The following UST variants were observed in gnomAD, a reference collection of about 807,000 sequenced individuals.
The protein encoded by UST is chondroitin sulfate 2-O-sulfotransferase.
UST carries 21 observed loss-of-function variants against 45.6 expected under a neutral mutation model. That is an observed-to-expected ratio of 0.46 (90% CI 0.33 to 0.66). The LOEUF (loss-of-function observed/expected upper bound fraction) is 0.66. UST is among the 30% of genes least tolerant of loss of function. The probability of loss-of-function intolerance (pLI) is 0.02; values close to 1 mark genes in which losing one functional copy is unlikely to be tolerated. For synonymous variants in UST, 215 were observed against 200.6 expected (o/e 1.07, Z -0.61); for missense variants, 463 against 512.4 (o/e 0.90, Z 0.93).
chr6:148,780,079 GTATA>G (rs55958506), intron 1 of UST, among the ~76,000 whole-genome samples: 65 of 144,606 alleles, frequency 4.5e-4, no homozygotes, highest in Admixed American at 3.8e-3. Flanking sequence ...ACATGTGTGT[GTATA>G]TATATACACA....
intron 1 of UST, among the ~76,000 whole-genome samples, chr6:148,795,220 G>A (rs1351132819): frequency 6.6e-6 from 1 of 152,212 alleles, no homozygotes; most frequent in Non-Finnish European, 1.5e-5. Context: ...TGGGATGGAG[G>A]TGTGCACTGA....
chr6:148,757,291 A>G (rs561770412), intron 1 of UST, among the ~76,000 whole-genome samples: 1 of 152,370 alleles, frequency 6.6e-6, no homozygotes, highest in Admixed American at 6.5e-5. Context: ...TTGTGTGCAT[A>G]CAGTTAGAAT....
intron 1 of UST, among the ~76,000 whole-genome samples, chr6:148,776,406 G>A (rs1383082714): frequency 1.3e-5 from 2 of 152,206 alleles, no homozygotes; most frequent in Admixed American, 6.5e-5. Flanking sequence ...GGTCAATGAC[G>A]CAACTGAGCC....
At chr6:149,069,302 T>G (rs533956917) in intron 7 of UST, among the ~76,000 whole-genome samples, 8 of 152,352 alleles carry the variant, frequency 5.3e-5, no homozygotes, top group African/African-American at 1.9e-4. Context: ...TTTTTAGTTT[T>G]TTGAGAACTC....
chr6:148,952,179 A>G (rs1162631636), intron 3 of UST, among the ~76,000 whole-genome samples: 1 of 152,262 alleles, frequency 6.6e-6, no homozygotes, highest in African/African-American at 2.4e-5. Flanking sequence ...ACCCTCAGAG[A>G]TAAATTACCT....
intron 2 of UST, among the ~76,000 whole-genome samples, chr6:148,913,832 G>C (rs1562297944): frequency 2.6e-5 from 4 of 152,136 alleles, no homozygotes; most frequent in Non-Finnish European, 5.9e-5. Flanking sequence ...TTATGGAACA[G>C]TTTAAATGTA....
At chr6:148,974,144 A>T (rs1462766809) in intron 5 of UST, among the ~76,000 whole-genome samples, 1 of 152,200 alleles carries the variant, frequency 6.6e-6, no homozygotes, top group Non-Finnish European at 1.5e-5. Context: ...TTCCCAAAGC[A>T]TGGGGCATGA....
At chr6:148,867,957 C>T (rs550756952) in intron 1 of UST, among the ~76,000 whole-genome samples, 1 of 152,240 alleles carries the variant, frequency 6.6e-6, no homozygotes, top group East Asian at 1.9e-4. Context: ...GAAGATCATC[C>T]TGTGCCTCCC....
At chr6:149,049,340 T>C (rs1776444630) in intron 7 of UST, among the ~76,000 whole-genome samples, 1 of 152,166 alleles carries the variant, frequency 6.6e-6, no homozygotes, top group Admixed American at 6.5e-5. Context: ...AAATATGATG[T>C]GACATGAAGT....
At chr6:148,841,879 C>G (rs536594690) in intron 1 of UST, among the ~76,000 whole-genome samples, 1 of 152,258 alleles carries the variant, frequency 6.6e-6, no homozygotes, top group African/African-American at 2.4e-5. Context: ...CCAAGGTGGG[C>G]AGATCACCTG....
intron 7 of UST, among the ~76,000 whole-genome samples, chr6:149,022,062 T>C (rs1032427770): frequency 6.6e-6 from 1 of 152,236 alleles, no homozygotes; most frequent in African/African-American, 2.4e-5. Flanking sequence ...AGAAATAGAA[T>C]GTGGCAAAGC....
At chr6:148,786,675 T>C (rs977443535) in intron 1 of UST, among the ~76,000 whole-genome samples, 2 of 152,216 alleles carry the variant, frequency 1.3e-5, no homozygotes, top group African/African-American at 4.8e-5. Flanking sequence ...TCTTTGCTAT[T>C]GTGAATAGTG....
At chr6:148,891,460 G>T (rs1175190720) in intron 2 of UST, among the ~76,000 whole-genome samples, 1 of 152,152 alleles carries the variant, frequency 6.6e-6, no homozygotes, top group Non-Finnish European at 1.5e-5. Context: ...TAAGCACTTT[G>T]CATGCAAAAT....
intron 5 of UST, among the ~76,000 whole-genome samples, chr6:149,013,029 A>C (rs1009499620): frequency 6.6e-6 from 1 of 152,208 alleles, no homozygotes; most frequent in Non-Finnish European, 1.5e-5. Flanking sequence ...TGAGCTTTTG[A>C]GAAGTGAACA....
intron 2 of UST, among the ~76,000 whole-genome samples, chr6:148,927,575 G>A (rs377141260): frequency 6.6e-6 from 1 of 152,242 alleles, no homozygotes. Flanking sequence ...TAATATGGGA[G>A]CACTAATACT....
chr6:148,792,932 A>C (rs1381670056), intron 1 of UST, among the ~76,000 whole-genome samples: 1 of 152,230 alleles, frequency 6.6e-6, no homozygotes, highest in African/African-American at 2.4e-5. Flanking sequence ...TTAAATATCT[A>C]GCTACAGACA....
chr6:149,031,643 C>T (rs188117397), intron 7 of UST, among the ~76,000 whole-genome samples: 8 of 152,346 alleles, frequency 5.3e-5, no homozygotes, highest in African/African-American at 1.7e-4. Context: ...CCTTCACAGA[C>T]ATTGATGTTC....
chr6:148,753,500 GA>G (rs1334713543), intron 1 of UST, among the ~76,000 whole-genome samples: 1 of 152,118 alleles, frequency 6.6e-6, no homozygotes, highest in African/African-American at 2.4e-5. Flanking sequence ...TATTTCCTAA[GA>G]ATTTTTTTTA....
At chr6:148,763,845 A>G (rs911931830) in intron 1 of UST, among the ~76,000 whole-genome samples, 3 of 151,934 alleles carry the variant, frequency 2.0e-5, no homozygotes, top group African/African-American at 7.3e-5. Context: ...ACTATCTTCT[A>G]TTGCTCTATA....
Sources: allele counts gnomAD v4.1 joint callset (sites outside exome capture counted in the v4.1 genomes callset), GRCh38; gene constraint gnomAD v4.1.1; transcripts MANE v1.5; gene names NCBI Gene and HGNC (gene_info 2026-07-23, HGNC 2026-07-21).